SYT9: variants seen among roughly 807,000 people sequenced by gnomAD.
SYT9 encodes the protein synaptotagmin-9.
Under a neutral mutation model 48.4 loss-of-function variants are expected in SYT9, and 22 were observed. The ratio of observed to expected loss-of-function variants is 0.45; its 90% CI spans 0.32 to 0.65. The LOEUF is 0.65. Ranked by LOEUF, SYT9 falls within the 30% of genes least tolerant of loss-of-function variation. SYT9 has a pLI of 0.03. For missense variants in SYT9, 577 were observed against 622.0 expected (o/e 0.93, Z 0.77); for synonymous variants, 265 against 245.0 (o/e 1.08, Z -0.76).
At chr11:7,291,583 G>T (rs2133919739) in intron 1 of SYT9, among the ~76,000 whole-genome samples, 1 of 152,160 alleles carries the variant, frequency 6.6e-6, no homozygotes, top group Admixed American at 6.5e-5. Flanking sequence ...CAAGAACTAT[G>T]AGAAGGCTCT....
intron 6 of SYT9, chr11:7,458,050 A>G (rs2134155632): frequency 6.6e-6 from 1 of 152,370 alleles, no homozygotes; most frequent in East Asian, 1.9e-4. Flanking sequence ...TTTGTTCAAC[A>G]AATATTGATT....
chr11:7,358,998 C>T (rs1440207979), intron 3 of SYT9, among the ~76,000 whole-genome samples: 1 of 152,020 alleles, frequency 6.6e-6, no homozygotes, highest in Non-Finnish European at 1.5e-5. Flanking sequence ...TATTCCTCCC[C>T]CCTCCCCTCA....
chr11:7,272,108 G>A (rs1245808986), intron 1 of SYT9, among the ~76,000 whole-genome samples: 1 of 152,128 alleles, frequency 6.6e-6, no homozygotes, highest in East Asian at 1.9e-4. Flanking sequence ...CTTAATAGTT[G>A]TATAATCTGG....
chr11:7,264,119 G>T (rs1239351468), intron 1 of SYT9, among the ~76,000 whole-genome samples: 1 of 152,074 alleles, frequency 6.6e-6, no homozygotes, highest in Non-Finnish European at 1.5e-5. Flanking sequence ...GCAGAAGTTT[G>T]CCTTCTGATT....
chr11:7,415,930 C>G, intron 3 of SYT9, 112 bp from the exon 4 acceptor site: 1 of 1,334,686 alleles, frequency 7.5e-7, no homozygotes, highest in South Asian at 1.3e-5. Flanking sequence ...AGGGATTCTA[C>G]AAGCTGAGCA....
chr11:7,465,108 A>G (rs1307760029), intron 6 of SYT9, among the ~76,000 whole-genome samples: 2 of 151,814 alleles, frequency 1.3e-5, no homozygotes, highest in African/African-American at 4.9e-5. Flanking sequence ...AAGTAGAGCT[A>G]TTTGGATGGT....
Position 7,313,841 on chromosome 11 carries a change from G to C in SYT9, c.944G>C (p.Arg315Pro). 1.2e-6 allele frequency: 2 copies of C among 1,614,128 alleles called. No homozygotes were observed. The highest frequency in any genetic ancestry group is 1.7e-6 in the Non-Finnish European group (2 of 1,180,012). The change falls in exon 3 of 7, where the codon CGT (arginine) becomes CCT (proline). Residue 315 changes from arginine (R) to proline (P), a missense_variant. Coordinates refer to ENST00000318881, the MANE Select transcript of SYT9 (RefSeq NM_175733.4). ...GTGTACGACTTTGACAGGTTCTCTC[G>C]TCATGACTTAATCGGCCAAGTGGTG... ...FSVYDFDRFS[R>P]HDLIGQVVVD...
In SYT9 at chr11:7,354,843, A is replaced by C. The variant is rs1849985710; in HGVS notation, c.1044+40902A>C. On this transcript the variant is annotated intron_variant, in intron 3 of 6. Coordinates refer to ENST00000318881, the MANE Select transcript of SYT9 (RefSeq NM_175733.4). ...CACTATCACCTTCCCAAGCACAGTGATATTGCCTTTCACACAGTGATGGCA... is the reference window on the plus strand; with the variant it reads ...CACTATCACCTTCCCAAGCACAGTGCTATTGCCTTTCACACAGTGATGGCA... 1.3e-5 allele frequency among the ~76,000 whole-genome samples: 2 copies of C among 152,134 alleles called. 1 individual carries two copies. The highest frequency in any genetic ancestry group is 4.2e-4 in the South Asian group (2 of 4,814).
rs140821988 is a variant in SYT9 at position 7,308,724 on chromosome 11, G to A, written c.498-4671G>A. On this transcript the variant is annotated intron_variant, in intron 2 of 6. Coordinates refer to ENST00000318881, the MANE Select transcript of SYT9 (RefSeq NM_175733.4). ...TGGTGGGGGAACCATCTCATCACCC[G>A]CCTGGACAGCCATTTTCTTCAAGAT... 7.8e-4 allele frequency among the ~76,000 whole-genome samples: 119 copies of A among 152,196 alleles called. 1 individual carries two copies. Among genetic ancestry groups the A allele is most frequent in the Non-Finnish European group, 8.8e-5 (6 of 68,010 alleles).
chr11:7,260,613 A>C (rs1848060967), intron 1 of SYT9, among the ~76,000 whole-genome samples: 1 of 152,174 alleles, frequency 6.6e-6, no homozygotes, highest in African/African-American at 2.4e-5. Context: ...ACACCAGGAG[A>C]TTTCAGTTCC....
chr11:7,395,468 T>C (rs1846734281), intron 3 of SYT9, among the ~76,000 whole-genome samples: 1 of 152,164 alleles, frequency 6.6e-6, no homozygotes, highest in South Asian at 2.1e-4. Flanking sequence ...CCCACTATTA[T>C]TGTGTGACTG....
At chr11:7,408,403 C>T (rs1847065619) in intron 3 of SYT9, among the ~76,000 whole-genome samples, 1 of 152,252 alleles carries the variant, frequency 6.6e-6, no homozygotes, top group South Asian at 2.1e-4. Flanking sequence ...GCTGGGATTA[C>T]AGGCGTGAGC....
chr11:7,262,550 A>G lies in SYT9; in HGVS notation c.145+10219A>G, dbSNP rs1180269023. On this transcript the variant is annotated intron_variant, in intron 1 of 6. Transcript: ENST00000318881. ...AGAACTTGAGGAACTACAAAGGAAG[A>G]TTAATGAAGAGAGACTAGAAATGAA... 1.8e-4 allele frequency among the ~76,000 whole-genome samples: 27 copies of G among 152,146 alleles called. 1 individual carries two copies. The highest frequency in any genetic ancestry group is 1.8e-3 in the Admixed American group (27 of 15,262).
intron 3 of SYT9, among the ~76,000 whole-genome samples, chr11:7,385,487 G>A (rs569786472): frequency 6.6e-6 from 1 of 152,088 alleles, no homozygotes; most frequent in South Asian, 2.1e-4. Context: ...CAAAGAGCAT[G>A]CCTGGCAGTG....
At chr11:7,410,384 T>G (rs1847113992) in intron 3 of SYT9, among the ~76,000 whole-genome samples, 1 of 152,212 alleles carries the variant, frequency 6.6e-6, no homozygotes, top group African/African-American at 2.4e-5. Context: ...AATCCAATTT[T>G]TTGTTGTTGT....
intron 1 of SYT9, among the ~76,000 whole-genome samples, chr11:7,265,908 A>G (rs763675727): frequency 6.6e-6 from 1 of 152,140 alleles, no homozygotes; most frequent in Non-Finnish European, 1.5e-5. Context: ...TAACTAGGCC[A>G]TGAGGTTAGA....
At chr11:7,389,798 A>C (rs1032007433) in intron 3 of SYT9, among the ~76,000 whole-genome samples, 1 of 152,192 alleles carries the variant, frequency 6.6e-6, no homozygotes, top group African/African-American at 2.4e-5. Flanking sequence ...ACAAAGTAAA[A>C]GTATGAAAAG....
intron 3 of SYT9, among the ~76,000 whole-genome samples, chr11:7,360,455 T>G (rs1020890307): frequency 3.3e-5 from 5 of 152,232 alleles, no homozygotes; most frequent in Non-Finnish European, 7.3e-5. Flanking sequence ...TATGGCCATT[T>G]TCACGATATT....
chr11:7,256,718 G>T (rs989839509), intron 1 of SYT9, among the ~76,000 whole-genome samples: 7 of 152,082 alleles, frequency 4.6e-5, no homozygotes, highest in Non-Finnish European at 7.4e-5. Flanking sequence ...TAGTATTTTT[G>T]ATTATGAATT....
Sources: allele counts gnomAD v4.1 joint callset (sites outside exome capture counted in the v4.1 genomes callset), GRCh38; gene constraint gnomAD v4.1.1; transcripts MANE v1.5; gene names NCBI Gene and HGNC (gene_info 2026-07-23, HGNC 2026-07-21).